The following OTOGL variants were observed in gnomAD, a reference collection of about 807,000 sequenced individuals.
The protein encoded by OTOGL is otogelin like.
In OTOGL, 285 loss-of-function variants were observed where a neutral mutation model predicts 318.5. The observed-to-expected ratio is 0.89, with a 90% CI of 0.81 to 0.99. The LOEUF (loss-of-function observed/expected upper bound fraction) is 0.99, where lower values mean the gene tolerates loss of function less well. Ranked by LOEUF, OTOGL falls within the 50% of genes least tolerant of loss-of-function variation. The pLI, the probability that OTOGL is intolerant of heterozygous loss-of-function variation, is 0.00. For missense variants in OTOGL, 2,899 were observed against 2,845.6 expected (o/e 1.02, Z -0.43); for synonymous variants, 987 against 936.5 (o/e 1.05, Z -0.99).
chr12:80,278,936 T>A, intron 25 of OTOGL, 92 bp from the exon 26 acceptor site: 1 of 1,420,066 alleles, frequency 7.0e-7, no homozygotes, highest in Middle Eastern at 1.9e-4. Flanking sequence ...TCATGAATTC[T>A]CTTGAATACA....
chr12:80,328,593 T>C, intron 35 of OTOGL, 72 bp from the exon 36 acceptor site: 1 of 1,157,404 alleles, frequency 8.6e-7, no homozygotes, highest in Non-Finnish European at 1.3e-6. Context: ...GTCGCATATG[T>C]TAAATGTAGT....
chr12:80,336,229 G>A, intron 39 of OTOGL, 89 bp downstream of exon 39: 1 of 1,379,274 alleles, frequency 7.3e-7, no homozygotes, highest in Non-Finnish European at 9.5e-7. Context: ...ACCTCATCAA[G>A]CCAAAGTTAC....
chr12:80,257,260 G>A (rs559979622), intron 17 of OTOGL, among the ~76,000 whole-genome samples: 3 of 151,442 alleles, frequency 2.0e-5, no homozygotes, highest in Admixed American at 6.6e-5. Flanking sequence ...GCAATCTCAC[G>A]GTTCAACCAA....
At chr12:80,263,583 T>C (rs983604976) in intron 19 of OTOGL, among the ~76,000 whole-genome samples, 1 of 152,096 alleles carries the variant, frequency 6.6e-6, no homozygotes, top group African/African-American at 2.4e-5. Context: ...GCCTGTGAAC[T>C]ACCCACATTA....
chr12:80,305,663 C>T lies in OTOGL; in HGVS notation c.3301C>T (p.Arg1101Trp), dbSNP rs368655429. The T allele has an allele frequency of 1.6e-5, 25 of 1,575,288 alleles. No homozygotes were observed. The highest frequency in any genetic ancestry group is 9.4e-5 in the African/African-American group (7 of 74,182). The part of the protein sequence containing the change: ...TSNNLEVRNA[R>W]VFGDSWALGQ... Reference sequence around the variant, plus strand: ...TAATAACTTGGAAGTGAGAAATGCTCGGGTATTTGGAGATAGTTGGGCATT... The same window carrying T: ...TAATAACTTGGAAGTGAGAAATGCTTGGGTATTTGGAGATAGTTGGGCATT... Residue 1101 changes from arginine (R) to tryptophan (W), a missense_variant, in exon 29 of 59, where the codon CGG becomes TGG. Physicochemically the swap from Arg to Trp is moderately radical, Grantham distance 101 (BLOSUM62 -3). Around this residue, in one of 3 missense-constraint regions of OTOGL, gnomAD observed 2,607 missense variants for 2,524.9 expected, o/e 1.03. Transcript: ENST00000547103.
Position 80,190,428 on chromosome 12 carries a change from G to T in OTOGL, c.-19-18985G>T, listed in dbSNP as rs532967958. Among the ~76,000 whole-genome samples, 181 of 152,298 alleles carry T rather than the reference G, an allele frequency of 1.2e-3. 1 individual carries two copies. The highest frequency in any genetic ancestry group is 2.7e-3 in the African/African-American group (114 of 41,566). ...CAAATCACTGTTTGCCATTTGGGAA[G>T]AACCTATTCACAGCTTTATCTTTTG... On this transcript the variant is annotated intron_variant, in intron 1 of 58. Transcript: ENST00000547103.
intron 1 of OTOGL, among the ~76,000 whole-genome samples, chr12:80,160,341 T>A (rs942390752): frequency 6.6e-6 from 1 of 151,804 alleles, no homozygotes; most frequent in East Asian, 1.9e-4. Flanking sequence ...AATTTATACA[T>A]CCAACAAAGG....
chr12:80,266,391 G>A lies in OTOGL; in HGVS notation c.2225-60G>A. 6 of 1,538,536 alleles carry A rather than the reference G, an allele frequency of 3.9e-6. No homozygotes were observed. In the South Asian group the frequency reaches 4.7e-5, roughly 12 times the overall value. ...TTTTCTATCATAGACCTCTAAGGAG[G>A]CATAAAATGTTTCTATGTGCCATGG... is the stretch of plus-strand genomic sequence containing the variant. On this transcript the variant is annotated intron_variant, in intron 20 of 58. Transcript: ENST00000547103.
chr12:80,333,852 C>A (rs1888231110), intron 38 of OTOGL, among the ~76,000 whole-genome samples: 1 of 151,956 alleles, frequency 6.6e-6, no homozygotes, highest in Non-Finnish European at 1.5e-5. Flanking sequence ...GGCAGAGGGA[C>A]CAGCAAGTGC....
chr12:80,188,015 T>C (rs1162876126), intron 1 of OTOGL, among the ~76,000 whole-genome samples: 1 of 152,182 alleles, frequency 6.6e-6, no homozygotes, highest in Non-Finnish European at 1.5e-5. Flanking sequence ...GCTGACTCAG[T>C]GCCAGGAGTT....
chr12:80,168,367 C>T (rs1873965951), intron 1 of OTOGL, among the ~76,000 whole-genome samples: 1 of 152,030 alleles, frequency 6.6e-6, no homozygotes, highest in South Asian at 2.1e-4. Flanking sequence ...AAAAATATAG[C>T]CTATAAGAGA....
At chr12:80,183,830 T>C (rs960128106) in intron 1 of OTOGL, among the ~76,000 whole-genome samples, 6 of 152,302 alleles carry the variant, frequency 3.9e-5, no homozygotes, top group Admixed American at 6.5e-5. Context: ...ATAGGACCCT[T>C]GCTCCATAGG....
intron 37 of OTOGL, among the ~76,000 whole-genome samples, chr12:80,329,906 A>G (rs933886590): frequency 6.6e-6 from 1 of 152,160 alleles, no homozygotes; most frequent in Non-Finnish European, 1.5e-5. Flanking sequence ...CAATCTTACA[A>G]CAGGGGTAAA....
chr12:80,222,247 T>A lies in OTOGL; in HGVS notation c.489+2T>A. On this transcript the variant is annotated splice_donor_variant, in intron 7 of 58. Transcript: ENST00000547103. LOFTEE classifies it high-confidence loss of function. ...TTGGAGCCTCGGTACACTGTATGGG[T>A]AGGTGATTGTAGGACATGATTAACT... 6.4e-7 allele frequency: 1 copy of A among 1,574,038 alleles called. No individual in the cohort carries two copies. The highest frequency in any genetic ancestry group is 8.6e-7 in the Non-Finnish European group (1 of 1,165,374).
In OTOGL at chr12:80,329,093, C is replaced by T. The variant is rs143101932; in HGVS notation, c.4322C>T (p.Ala1441Val). 1.1e-4 allele frequency: 165 copies of T among 1,551,462 alleles called. No homozygotes were observed. In the African/African-American group the frequency reaches 2.1e-3, roughly 20 times the overall value. ...ACAGAACCAACATTAATGCCACCAG[C>T]TAAGCCAACTGTGCCCATGTTTACA... ...IPTEPTLMPP[A>V]KPTVPMFTVW... Residue 1441 changes from alanine to valine, a missense_variant, in exon 37 of 59, where the codon GCT (alanine) becomes GTT (valine). Around this residue, in one of 3 missense-constraint regions of OTOGL, gnomAD observed 2,607 missense variants for 2,524.9 expected, o/e 1.03. Transcript: ENST00000547103.
intron 1 of OTOGL, among the ~76,000 whole-genome samples, chr12:80,190,156 T>G (rs866440869): frequency 7.2e-4 from 110 of 152,228 alleles, no homozygotes; most frequent in African/African-American, 2.6e-3. Flanking sequence ...TGGATGTGAC[T>G]TTTAGGCTGC....
At chr12:80,222,564 G>A (rs191286834) in intron 7 of OTOGL, among the ~76,000 whole-genome samples, 56 of 152,276 alleles carry the variant, frequency 3.7e-4, no homozygotes, top group Admixed American at 3.2e-3. Flanking sequence ...TAATTGCTAG[G>A]TAGTTTGATA....
chr12:80,146,922 T>TA (rs1184247797), intron 1 of OTOGL, among the ~76,000 whole-genome samples: 3 of 152,104 alleles, frequency 2.0e-5, no homozygotes, highest in Non-Finnish European at 2.9e-5. Context: ...TATCATTTTT[T>TA]ATTGTATCTA....
chr12:80,317,061 T>C (rs1887017561), intron 32 of OTOGL, among the ~76,000 whole-genome samples: 1 of 152,194 alleles, frequency 6.6e-6, no homozygotes, highest in Non-Finnish European at 1.5e-5. Context: ...ACAATGATTC[T>C]ATATAATATG....
Sources: gnomAD v4.1 joint callset for allele counts (sites outside exome capture counted in the v4.1 genomes callset) on GRCh38, gnomAD v4.1.1 for gene constraint, gnomAD v4.1.1 regional missense constraint, MANE v1.5 for transcripts, NCBI Gene and HGNC (gene_info 2026-07-23, HGNC 2026-07-21) for gene names.